Variants in RMC1 observed in about 807,000 individuals in gnomAD.
RMC1 encodes regulator of MON1-CCZ1 complex.
A neutral mutation model predicts 95.5 loss-of-function variants in RMC1; 44 were observed. The observed-to-expected ratio is 0.46, with a 90% CI of 0.36 to 0.59. The LOEUF (loss-of-function observed/expected upper bound fraction) is 0.59, where lower values mean the gene tolerates loss of function less well. Among genes scored for constraint, RMC1 ranks in the 20% least tolerant of loss-of-function variants. The pLI, the probability that RMC1 is intolerant of heterozygous loss-of-function variation, is 0.00. For synonymous variants in RMC1, 320 were observed against 303.6 expected (o/e 1.05, Z -0.56); for missense variants, 705 against 819.6 (o/e 0.86, Z 1.71).
rs1226548186 is a variant in RMC1 at position 23,503,608 on chromosome 18, C to T, written c.-11C>T. The T allele has an allele frequency of 7.1e-6, 11 of 1,542,338 alleles. No homozygotes were observed. Among genetic ancestry groups the T allele is most frequent in the African/African-American group, 5.8e-5 (4 of 69,542 alleles). On this transcript the variant is annotated 5_prime_UTR_variant, in exon 1 of 20. Transcript: ENST00000269221. ...GCCCCCGGGGCCCCCGCCGCGGGCGCGGCGCCCGCCATGGGCGAGGAGGAC... is the reference window on the plus strand; with the variant it reads ...GCCCCCGGGGCCCCCGCCGCGGGCGTGGCGCCCGCCATGGGCGAGGAGGAC...
chr18:23,511,619 AAG>A (rs998245838), intron 5 of RMC1, among the ~76,000 whole-genome samples: 24 of 152,312 alleles, frequency 1.6e-4, no homozygotes, highest in African/African-American at 5.3e-4. Context: ...TTTTAACAAA[AAG>A]GGGAATGTTG....
chr18:23,503,516 C>A lies in RMC1; in HGVS notation c.-103C>A. ...GCGGCGTCCGCGCCGGGCCCAGAGC[C>A]GCAGCCGCAGCCGCCGCTACAGTCC... On this transcript the variant is annotated 5_prime_UTR_variant, in exon 1 of 20. Coordinates refer to ENST00000269221, the MANE Select transcript of RMC1 (RefSeq NM_013326.5). 1.4e-6 allele frequency: 1 copy of A among 716,884 alleles called. No homozygotes were observed. The highest frequency in any genetic ancestry group is 2.0e-6 in the Non-Finnish European group (1 of 509,686). 44.4% of individuals were successfully genotyped at this position (716,884 alleles called of 1,614,324 possible).
chr18:23,503,582 CGCCCCCGGGGCCCCCGCCGCGGGCGCG>C lies in RMC1; in HGVS notation c.-34_-8del, dbSNP rs2057643649. 12 of 1,500,892 alleles carry C rather than the reference CGCCCCCGGGGCCCCCGCCGCGGGCGCG, an allele frequency of 8.0e-6. No individual in the cohort carries two copies. Among genetic ancestry groups the C allele is most frequent in the Non-Finnish European group, 7.2e-6 (8 of 1,113,376 alleles). The allele number at this position is 1,500,892 out of a possible 1,614,324, so 93.0% of individuals were successfully genotyped here. A position where few individuals can be genotyped will look rare whatever the true frequency, so the allele number is the denominator to read the frequency against. On this transcript the variant is annotated 5_prime_UTR_variant, in exon 1 of 20. Transcript: ENST00000269221. ...GCGCATCCTGCTCCACTCTGGCGAC[CGCCCCCGGGGCCCCCGCCGCGGGCGCG>C]GCGCCCGCCATGGGCGAGGAGGACT...
intron 1 of RMC1, 32 bp from the exon 2 acceptor site, chr18:23,504,339 A>C: frequency 6.2e-7 from 1 of 1,600,272 alleles, no homozygotes; most frequent in Non-Finnish European, 8.6e-7. Context: ...TTCAGAGTTC[A>C]GGCTGTTAAC....
intron 12 of RMC1, among the ~76,000 whole-genome samples, chr18:23,525,440 T>C (rs1381020592): frequency 6.6e-6 from 1 of 151,866 alleles, no homozygotes; most frequent in African/African-American, 2.4e-5. Context: ...ATAATAATTA[T>C]TTTGAGACGG....
At chr18:23,510,375 C>T (rs2057821175) in intron 5 of RMC1, among the ~76,000 whole-genome samples, 1 of 151,708 alleles carries the variant, frequency 6.6e-6, no homozygotes, top group Admixed American at 6.6e-5. Flanking sequence ...AGGCCAGGTA[C>T]AGTGGCTCAC....
At chr18:23,516,269 A>G in intron 6 of RMC1, 51 bp from the exon 7 acceptor site, 1 of 1,578,074 alleles carries the variant, frequency 6.3e-7, no homozygotes, top group Non-Finnish European at 8.7e-7. Flanking sequence ...GAATGATGAA[A>G]CATTGAAGGG....
At chr18:23,503,505 G>A (rs1232145758), upstream of RMC1, 3 of 580,988 alleles carry the variant, frequency 5.2e-6, no homozygotes, top group South Asian at 7.4e-5. Flanking sequence ...CGTCCGCGCC[G>A]GGCCCAGAGC....
intron 9 of RMC1, among the ~76,000 whole-genome samples, chr18:23,519,519 G>GA (rs35759590): frequency 0.014 from 1,961 of 135,774 alleles, 22 homozygotes; most frequent in Non-Finnish European, 0.02. Context: ...TCCTGTCTCC[G>GA]AAAAAAAAAA....
intron 13 of RMC1, 142 bp downstream of exon 13, chr18:23,526,907 C>A: frequency 8.8e-7 from 1 of 1,139,350 alleles, no homozygotes; most frequent in South Asian, 1.6e-5. Flanking sequence ...GGCTATGTGA[C>A]CCCCTAGGAA....
At chr18:23,505,300 G>A (rs745954365) in intron 2 of RMC1, among the ~76,000 whole-genome samples, 2 of 152,052 alleles carry the variant, frequency 1.3e-5, no homozygotes, top group Non-Finnish European at 2.9e-5. Flanking sequence ...ACCTCAAAAC[G>A]ATCCGCCCGC....
intron 12 of RMC1, among the ~76,000 whole-genome samples, 175 bp downstream of exon 12, chr18:23,524,657 T>C (rs1481652379): frequency 2.6e-5 from 4 of 152,066 alleles, no homozygotes; most frequent in African/African-American, 9.7e-5. Flanking sequence ...GTGCATTTTA[T>C]CAAGAACATA....
intron 5 of RMC1, among the ~76,000 whole-genome samples, chr18:23,515,037 C>G (rs1469968566): frequency 6.6e-6 from 1 of 152,044 alleles, no homozygotes; most frequent in East Asian, 1.9e-4. Flanking sequence ...TCCTCCCAGG[C>G]CCAGTGTAGA....
intron 11 of RMC1, 42 bp from the exon 12 acceptor site, chr18:23,524,384 TTTG>T: frequency 6.2e-7 from 1 of 1,608,450 alleles, no homozygotes; most frequent in Non-Finnish European, 8.5e-7. Context: ...GGGTTTGCTT[TTTG>T]TTTTCATCTT....
intron 12 of RMC1, among the ~76,000 whole-genome samples, chr18:23,524,941 CTTTTTTTTTT>C (rs5823396): frequency 5.8e-5 from 4 of 69,210 alleles, no homozygotes; most frequent in Admixed American, 2.3e-4. Flanking sequence ...TTAGAGAAAT[CTTTTTTTTTT>C]TTTTTTTTTT....
intron 10 of RMC1, chr18:23,522,519 G>T (rs2058169548): frequency 6.6e-6 from 1 of 152,212 alleles, no homozygotes; most frequent in Non-Finnish European, 1.5e-5. Flanking sequence ...GTTAGTGTTA[G>T]TGTATTTTAT....
intron 5 of RMC1, among the ~76,000 whole-genome samples, chr18:23,511,542 C>T (rs762278322): frequency 8.6e-5 from 13 of 151,950 alleles, no homozygotes; most frequent in Admixed American, 1.3e-4. Flanking sequence ...CCTATAATCC[C>T]GATAAATAAT....
chr18:23,515,699 A>C (rs2057983757), intron 5 of RMC1, among the ~76,000 whole-genome samples, 157 bp from the exon 6 acceptor site: 1 of 152,080 alleles, frequency 6.6e-6, no homozygotes, highest in Admixed American at 6.6e-5. Context: ...CGCCTGGCTA[A>C]TTTTTGTATT....
chr18:23,505,571 G>T (rs747826883), intron 2 of RMC1, among the ~76,000 whole-genome samples: 2 of 152,198 alleles, frequency 1.3e-5, no homozygotes, highest in Non-Finnish European at 2.9e-5. Context: ...TGGGGTGTGG[G>T]ATGATCATGT....
Sources: gnomAD v4.1 joint callset for allele counts (sites outside exome capture counted in the v4.1 genomes callset) on GRCh38, gnomAD v4.1.1 for gene constraint, MANE v1.5 for transcripts, NCBI Gene and HGNC (gene_info 2026-07-23, HGNC 2026-07-21) for gene names.